The following ZNF581 variants were observed in gnomAD, a reference collection of about 807,000 sequenced individuals.
The protein encoded by ZNF581 is zinc finger protein 581.
ZNF581 carries 1 observed loss-of-function variant against 1.2 expected under a neutral mutation model. The ratio of observed to expected loss-of-function variants is 0.83; its 90% CI spans 0.30 to 3.95. The LOEUF is 3.95. ZNF581 is among the 30% of genes most tolerant of loss of function. The pLI, the probability that ZNF581 is intolerant of heterozygous loss-of-function variation, is 0.18. For missense variants in ZNF581, 273 were observed against 274.6 expected, an observed-to-expected ratio of 0.99 and a Z score of 0.04; for synonymous variants, 105 against 109.2, an observed-to-expected ratio of 0.96 and a Z score of 0.24.
Position 55,645,327 on chromosome 19 carries a change from G to C in ZNF581, c.*162G>C. 1 of 583,480 alleles carries C rather than the reference G, an allele frequency of 1.7e-6. No individual in the cohort carries two copies. The allele number at this position is 583,480 out of a possible 1,614,324, so 36.1% of individuals were successfully genotyped here. A position where few individuals can be genotyped will look rare whatever the true frequency, so the allele number is the denominator to read the frequency against. On this transcript the variant is annotated 3_prime_UTR_variant, in exon 2 of 2. Coordinates refer to ENST00000270451, the MANE Select transcript of ZNF581 (RefSeq NM_016535.4). Reference sequence around the variant, plus strand: ...AGCCCTGCCTGAAGGAGGAATCCGTGAGTAATCTTCAGGTCCTCCGTGTTC... The same window carrying C: ...AGCCCTGCCTGAAGGAGGAATCCGTCAGTAATCTTCAGGTCCTCCGTGTTC...
chr19:55,645,265 T>G lies in ZNF581; in HGVS notation c.*100T>G. On this transcript the variant is annotated 3_prime_UTR_variant, in exon 2 of 2. Coordinates refer to ENST00000270451, the MANE Select transcript of ZNF581 (RefSeq NM_016535.4). ...AGCCTGAGGCTGGTGTTCAGGGCCC[T>G]GGACACAGACACAGAGCAGCCGCAT... 1 of 1,092,004 alleles carries G rather than the reference T, an allele frequency of 9.2e-7. No individual in the cohort carries two copies. Among genetic ancestry groups the G allele is most frequent in the Non-Finnish European group, 1.3e-6 (1 of 782,904 alleles). 67.6% of individuals were successfully genotyped at this position (1,092,004 alleles called of 1,614,324 possible). A position where few individuals can be genotyped will look rare whatever the true frequency, so the allele number is the denominator to read the frequency against.
chr19:55,642,316 C>T (rs1982554945), upstream of ZNF581: 5 of 1,260,188 alleles, frequency 4.0e-6, no homozygotes, highest in Non-Finnish European at 5.0e-6. Flanking sequence ...AGGCCCTCTC[C>T]GAGGCAGCTT....
At chr19:55,639,889 T>A (rs1383847620), upstream of ZNF581, among the ~76,000 whole-genome samples, 1 of 152,174 alleles carries the variant, frequency 6.6e-6, no homozygotes, top group African/African-American at 2.4e-5. Flanking sequence ...AGTGCTGGGG[T>A]TACAGGTGTG....
chr19:55,641,356 G>A (rs886343857), upstream of ZNF581, among the ~76,000 whole-genome samples: 3 of 152,208 alleles, frequency 2.0e-5, no homozygotes, highest in Non-Finnish European at 4.4e-5. Flanking sequence ...GGGAAGTGAA[G>A]GCAATAGGAG....
upstream of ZNF581, chr19:55,642,867 T>C (rs1246832983): frequency 6.4e-7 from 1 of 1,568,386 alleles, no homozygotes; most frequent in Admixed American, 1.8e-5. Flanking sequence ...CTCAAGCCCT[T>C]CACGTGCGGC....
upstream of ZNF581, among the ~76,000 whole-genome samples, chr19:55,639,836 C>T (rs975655779): frequency 5.3e-5 from 8 of 152,230 alleles, no homozygotes; most frequent in East Asian, 1.9e-4. Flanking sequence ...AGGCTGGTCT[C>T]GAACTCCTGA....
upstream of ZNF581, chr19:55,642,844 G>A: frequency 6.3e-7 from 1 of 1,575,166 alleles, no homozygotes; most frequent in East Asian, 2.3e-5. Context: ...GCCACCGCGT[G>A]TCGCACTCGG....
chr19:55,639,656 G>A (rs1982321069), upstream of ZNF581, among the ~76,000 whole-genome samples: 2 of 152,082 alleles, frequency 1.3e-5, no homozygotes, highest in Non-Finnish European at 1.5e-5. Context: ...TCCCTCTGTT[G>A]CCCAGGCTGC....
At chr19:55,636,294 G>A (rs1000077102), upstream of ZNF581, among the ~76,000 whole-genome samples, 1 of 152,158 alleles carries the variant, frequency 6.6e-6, no homozygotes, top group African/African-American at 2.4e-5. Flanking sequence ...ACGGAGGTCA[G>A]TGCCCTCAGG....
In ZNF581 at chr19:55,644,139, G is replaced by A. The variant is rs1483193121; in HGVS notation, c.-20+365G>A. Among the ~76,000 whole-genome samples the A allele has an allele frequency of 1.3e-5, 2 of 152,120 alleles. No homozygotes were observed. Among genetic ancestry groups the A allele is most frequent in the Non-Finnish European group, 2.9e-5 (2 of 68,006 alleles). On this transcript the variant is annotated intron_variant, in intron 1 of 1. Coordinates refer to ENST00000270451, the MANE Select transcript of ZNF581 (RefSeq NM_016535.4). The surrounding 1 kb of genome is among the most constrained non-coding windows in gnomAD (Gnocchi z 4.3). Reference sequence around the variant, plus strand: ...GTGAATAGGCTTGGCTTGTATGGAGGGGGTCAGGAAAGGCTTGAGTATGTA... The same window carrying A: ...GTGAATAGGCTTGGCTTGTATGGAGAGGGTCAGGAAAGGCTTGAGTATGTA...
upstream of ZNF581, chr19:55,635,186 A>T (rs1208235693): frequency 6.6e-6 from 1 of 152,322 alleles, no homozygotes; most frequent in Non-Finnish European, 1.5e-5. Flanking sequence ...AGGCCCTGCG[A>T]AGGAGGCTTG....
chr19:55,636,754 C>T (rs554683179), upstream of ZNF581, among the ~76,000 whole-genome samples: 85 of 152,196 alleles, frequency 5.6e-4, no homozygotes, highest in Admixed American at 1.9e-3. Context: ...GGAGCTACCA[C>T]GGTCACTAAA....
At chr19:55,640,853 A>G, upstream of ZNF581, 2 of 985,390 alleles carry the variant, frequency 2.0e-6, no homozygotes, top group South Asian at 9.4e-5. Flanking sequence ...GGGAGGTGGG[A>G]GGGGAGCGGG....
chr19:55,644,570 G>A lies in ZNF581; in HGVS notation c.-2G>A, dbSNP rs747915903. 7.6e-6 allele frequency: 12 copies of A among 1,583,962 alleles called. No homozygotes were observed. Among genetic ancestry groups the A allele is most frequent in the African/African-American group, 1.3e-5 (1 of 74,188 alleles). ...TCCACCAGGCCTCAGCCAGCCCTCC[G>A]GATGCTGGTGCTGCCATCCCCCTGC... On this transcript the variant is annotated 5_prime_UTR_variant, in exon 2 of 2. Coordinates refer to ENST00000270451, the MANE Select transcript of ZNF581 (RefSeq NM_016535.4). This position sits in a 1 kb window ranked among gnomAD's most constrained non-coding sequence, Gnocchi z 4.3.
At chr19:55,643,316 T>G, upstream of ZNF581, 1 of 389,204 alleles carries the variant, frequency 2.6e-6, no homozygotes, top group Non-Finnish European at 4.7e-6. Flanking sequence ...ATGACCTCTC[T>G]AAACCTTGGT....
upstream of ZNF581, chr19:55,640,712 C>T: frequency 1.0e-6 from 1 of 985,474 alleles, no homozygotes; most frequent in Non-Finnish European, 1.2e-6. Context: ...GGTGGGTGGC[C>T]ACGGCCGAGC....
rs1219333213 is a variant in ZNF581, at chr19:55,644,864, A to C, written c.293A>C (p.Tyr98Ser). ...SCPVCSRVFE[Y>S]MSYLQRHSIT... ...CCCGTGTGCTCAAGGGTCTTCGAGTACATGTCCTACCTTCAGCGACACAGC... is the reference window on the plus strand; with the variant it reads ...CCCGTGTGCTCAAGGGTCTTCGAGTCCATGTCCTACCTTCAGCGACACAGC... The change falls in exon 2 of 2, where the codon TAC becomes TCC. Residue 98 changes from tyrosine to serine, a missense_variant. Tyr to Ser is a moderately radical substitution (Grantham distance 144). Transcript: ENST00000270451. The surrounding 1 kb of genome is among the most constrained non-coding windows in gnomAD (Gnocchi z 4.3). 3 of 1,613,454 alleles carry C rather than the reference A, an allele frequency of 1.9e-6. No individual in the cohort carries two copies. Among genetic ancestry groups the C allele is most frequent in the Non-Finnish European group, 1.7e-6 (2 of 1,179,494 alleles).
At position 55,644,746 on chromosome 19, in the gene ZNF581, C is replaced by G; in HGVS notation, c.175C>G (p.Gln59Glu). The G allele has an allele frequency of 6.2e-7, 1 of 1,614,106 alleles. No individual in the cohort carries two copies. Reference protein sequence around the residue: ...RPNHYLLIDTQGVPYTVLVDE... With the variant: ...RPNHYLLIDTEGVPYTVLVDE... ...CAACCACTACCTGCTTATTGACACT[C>G]AGGGTGTCCCCTACACAGTGCTGGT... The change falls in exon 2 of 2, where the codon CAG (glutamine) becomes GAG (glutamate). Residue 59 changes from glutamine to glutamate, a missense_variant. Transcript: ENST00000270451. The surrounding 1 kb of genome is among the most constrained non-coding windows in gnomAD (Gnocchi z 4.3).
Position 55,644,592 on chromosome 19 carries a change from C to A in ZNF581, c.21C>A (p.Pro7=). The A allele has an allele frequency of 1.2e-6, 2 of 1,601,988 alleles. No individual in the cohort carries two copies. Among genetic ancestry groups the A allele is most frequent in the Non-Finnish European group, 8.5e-7 (1 of 1,174,300 alleles). MLVLPS[P]CPQPLAFSSV... ...TCCGGATGCTGGTGCTGCCATCCCC[C>A]TGCCCTCAGCCTCTGGCATTTTCCT... Residue 7 remains proline (P), a synonymous_variant, in exon 2 of 2, where the codon CCC becomes CCA. Transcript: ENST00000270451. The surrounding 1 kb of genome is among the most constrained non-coding windows in gnomAD (Gnocchi z 4.3).
Sources: gnomAD v4.1 joint callset for allele counts (sites outside exome capture counted in the v4.1 genomes callset) on GRCh38, gnomAD v4.1.1 for gene constraint, Gnocchi (gnomAD v3.1) non-coding constraint, MANE v1.5 for transcripts, NCBI Gene and HGNC (gene_info 2026-07-23, HGNC 2026-07-21) for gene names.